PEX1: variants seen among roughly 807,000 people sequenced by gnomAD.
PEX1 encodes peroxisomal ATPase PEX1.
A neutral mutation model predicts 152.5 loss-of-function variants in PEX1; 97 were observed. The observed-to-expected ratio is 0.64, with a 90% CI of 0.54 to 0.75. The LOEUF is 0.75. Among genes scored for constraint, PEX1 ranks in the 30% least tolerant of loss-of-function variants. PEX1 has a pLI of 0.00. For synonymous variants in PEX1, 485 were observed against 531.6 expected, an observed-to-expected ratio of 0.91 and a Z score of 1.21; for missense variants, 1,357 against 1,516.3, an observed-to-expected ratio of 0.89 and a Z score of 1.74.
chr7:92,520,343 A>G (rs1474612608), intron 2 of PEX1, among the ~76,000 whole-genome samples: 2 of 152,206 alleles, frequency 1.3e-5, no homozygotes, highest in African/African-American at 2.4e-5. Flanking sequence ...AAATTTTAAG[A>G]TTCTAGCAAC....
chr7:92,515,063 TTATCTATATATATATATATATATATA>T (rs1562863694), intron 5 of PEX1, among the ~76,000 whole-genome samples: 5 of 81,060 alleles, frequency 6.2e-5, no homozygotes, highest in African/African-American at 2.3e-4. Context: ...AAAAAAAAAA[TTATCTATATATATATATATATATATA>T]TATATATATA....
intron 11 of PEX1, among the ~76,000 whole-genome samples, chr7:92,505,412 CAAAAAAAAAA>C (rs11370289): frequency 7.5e-6 from 1 of 133,830 alleles, no homozygotes; most frequent in Non-Finnish European, 1.6e-5. Flanking sequence ...GACTCTGTCT[CAAAAAAAAAA>C]AAAAAGAAAA....
chr7:92,491,463 A>G lies in PEX1; in HGVS notation c.3247T>C (p.Ser1083Pro). The change falls in exon 21 of 24, where the codon TCA becomes CCA. Residue 1083 changes from serine (S) to proline (P), a missense_variant. Transcript: ENST00000248633. ...CTGCTATGGTTAAGAAAGACCATTG[A>G]AGACAGACTTAGGTCACTATCAGAG... ...SSSDSDLSLS[S>P]MVFLNHSSGS... is the part of the protein sequence containing the mutation. 6.2e-7 allele frequency: 1 copy of G among 1,613,390 alleles called. No individual in the cohort carries two copies. The highest frequency in any genetic ancestry group is 1.7e-4 in the Middle Eastern group (1 of 6,060).
chr7:92,512,919 C>A (rs1792547307), intron 6 of PEX1, among the ~76,000 whole-genome samples: 1 of 152,188 alleles, frequency 6.6e-6, no homozygotes, highest in Admixed American at 6.5e-5. Context: ...GTGTGAGCCA[C>A]TGGACCCCAC....
At chr7:92,491,901 GA>G (rs2116063960) in intron 20 of PEX1, among the ~76,000 whole-genome samples, 1 of 152,278 alleles carries the variant, frequency 6.6e-6, no homozygotes, top group South Asian at 2.1e-4. Context: ...GGAGAGGGAA[GA>G]ACTTCAATGG....
intron 1 of PEX1, among the ~76,000 whole-genome samples, chr7:92,523,127 C>A (rs941028999): frequency 6.6e-6 from 1 of 152,098 alleles, no homozygotes; most frequent in Non-Finnish European, 1.5e-5. Flanking sequence ...TTATAGAGAC[C>A]TCGGAAAACA....
At position 92,518,213 on chromosome 7, in the gene PEX1, T is replaced by C. The variant is rs1346290048; in HGVS notation, c.400A>G (p.Ile134Val). 1.9e-6 allele frequency: 3 copies of C among 1,613,710 alleles called. No individual in the cohort carries two copies. The highest frequency in any genetic ancestry group is 2.5e-6 in the Non-Finnish European group (3 of 1,179,626). ...VSLEQHLLDQIRIVFPKAIFP... is the reference protein window; with the variant it reads ...VSLEQHLLDQVRIVFPKAIFP... ...ATGGCTTTTGGAAAAACTATTCGAA[T>C]TTGATCTAGAAGATGTTGTTCAAGG... Residue 134 changes from isoleucine (I) to valine (V), a missense_variant, in exon 4 of 24, where the codon ATT becomes GTT. By Grantham distance (29) the Ile-to-Val change is conservative. Coordinates refer to ENST00000248633, the MANE Select transcript of PEX1 (RefSeq NM_000466.3).
intron 1 of PEX1, among the ~76,000 whole-genome samples, chr7:92,524,688 C>T (rs1793190644): frequency 6.6e-6 from 1 of 152,198 alleles, no homozygotes; most frequent in Non-Finnish European, 1.5e-5. Flanking sequence ...CATCATGTAT[C>T]ACTTAGTTGT....
At chr7:92,490,632 CAAAAA>C (rs35917694) in intron 21 of PEX1, among the ~76,000 whole-genome samples, 1 of 79,636 alleles carries the variant, frequency 1.3e-5, no homozygotes, top group South Asian at 4.9e-4. Context: ...GAGACTGTCT[CAAAAA>C]AAAAAAAAAA....
In PEX1 at chr7:92,489,370, A is replaced by C; in HGVS notation, c.3690T>G (p.Ser1230Arg). 3 of 1,606,078 alleles carry C rather than the reference A, an allele frequency of 1.9e-6. No homozygotes were observed. Among genetic ancestry groups the C allele is most frequent in the Non-Finnish European group, 2.6e-6 (3 of 1,172,730 alleles). The change falls in exon 23 of 24, where the codon AGT becomes AGG. Residue 1230 changes from serine to arginine, a missense_variant. Coordinates refer to ENST00000248633, the MANE Select transcript of PEX1 (RefSeq NM_000466.3). ...CAAGTGCAGTCATTAAATGTGACTG[A>C]CTAATAGCCAGTCTGGTTTTGATTG... Reference protein sequence around the residue: ...PGPIKTRLAISQSHLMTALGH... With the variant: ...PGPIKTRLAIRQSHLMTALGH...
intron 10 of PEX1, 84 bp downstream of exon 10, chr7:92,506,910 T>C: frequency 7.1e-7 from 1 of 1,401,288 alleles, no homozygotes; most frequent in Non-Finnish European, 1.0e-6. Flanking sequence ...ACCCACCCTA[T>C]ATAATAGATG....
chr7:92,489,563 G>T, intron 22 of PEX1, 140 bp from the exon 23 acceptor site: 1 of 1,026,514 alleles, frequency 9.7e-7, no homozygotes, highest in Non-Finnish European at 1.5e-6. Context: ...AACATTGAAA[G>T]CAAGGAAGCA....
At chr7:92,512,229 C>G (rs1792507002) in intron 6 of PEX1, among the ~76,000 whole-genome samples, 1 of 152,128 alleles carries the variant, frequency 6.6e-6, no homozygotes, top group Non-Finnish European at 1.5e-5. Context: ...ACCATGTTGG[C>G]CAGGCTGGTC....
chr7:92,524,266 CTTTT>C (rs912217791), intron 1 of PEX1, among the ~76,000 whole-genome samples: 2 of 136,368 alleles, frequency 1.5e-5, no homozygotes, highest in African/African-American at 2.7e-5. Flanking sequence ...ATGTTTCTTG[CTTTT>C]TTTTTTTTTT....
Position 92,513,957 on chromosome 7 carries a change from TC to T in PEX1, c.1249del (p.Asp417ThrfsTer2). Reference protein sequence around the residue: ...LHLGKVWIPDDLRKRLNIEMH... With the variant: ...LHLGKVWIPDXLRKRLNIEMH... ...TTCTATATTTAGTCTCTTCCTCAGG[TC>T]ATCTGGAATCTGAAATTTAAAAATA... On this transcript the variant is annotated frameshift_variant, in exon 6 of 24. Transcript: ENST00000248633. LOFTEE classifies it high-confidence loss of function. 1 of 1,568,408 alleles carries T rather than the reference TC, an allele frequency of 6.4e-7. No homozygotes were observed. Among genetic ancestry groups the T allele is most frequent in the East Asian group, 2.2e-5 (1 of 44,516 alleles).
intron 12 of PEX1, 61 bp downstream of exon 12, chr7:92,504,653 GAGAGTAGATTTATTGTTA>G: frequency 1.5e-6 from 2 of 1,335,772 alleles, no homozygotes; most frequent in South Asian, 2.4e-5. Context: ...ATTCTCTGAA[GAGAGTAGATTTATTGTTA>G]AGACTAAAAA....
chr7:92,496,488 G>A (rs1219954913), intron 17 of PEX1, among the ~76,000 whole-genome samples: 2 of 152,084 alleles, frequency 1.3e-5, no homozygotes, highest in Non-Finnish European at 2.9e-5. Context: ...CCACTTTGAG[G>A]AGTATTTCTA....
At chr7:92,509,192 C>A in intron 9 of PEX1, 137 bp downstream of exon 9, 1 of 652,058 alleles carries the variant, frequency 1.5e-6, no homozygotes, top group East Asian at 2.9e-5. Context: ...AGAGACAATC[C>A]TTGAAAAAAT....
intron 5 of PEX1, among the ~76,000 whole-genome samples, chr7:92,517,036 C>T (rs1315331928): frequency 6.6e-6 from 1 of 152,182 alleles, no homozygotes; most frequent in Non-Finnish European, 1.5e-5. Flanking sequence ...TAATTTTGAC[C>T]TCTCTGGCCT....
Sources: gnomAD v4.1 joint callset for allele counts (sites outside exome capture counted in the v4.1 genomes callset) on GRCh38, gnomAD v4.1.1 for gene constraint, MANE v1.5 for transcripts, NCBI Gene and HGNC (gene_info 2026-07-23, HGNC 2026-07-21) for gene names.